The following CNIH3 variants were observed in gnomAD, a reference collection of about 807,000 sequenced individuals.
CNIH3 encodes the protein protein cornichon homolog 3.
A neutral mutation model predicts 24.1 loss-of-function variants in CNIH3; 14 were observed. That is an observed-to-expected ratio of 0.58 (90% CI 0.38 to 0.91). The LOEUF is 0.91. Among genes scored for constraint, CNIH3 ranks in the 40% least tolerant of loss-of-function variants. CNIH3 has a pLI of 0.00. For synonymous variants in CNIH3, 68 were observed against 73.8 expected (o/e 0.92, Z 0.40); for missense variants, 178 against 196.8 (o/e 0.90, Z 0.57).
At chr1:224,634,019 G>C (rs1242978948) in intron 1 of CNIH3, among the ~76,000 whole-genome samples, 1 of 152,222 alleles carries the variant, frequency 6.6e-6, no homozygotes, top group Non-Finnish European at 1.5e-5. Context: ...ATGAGGAGCA[G>C]CTGTGGTCTG....
intron 3 of CNIH3, chr1:224,719,093 G>C (rs1004319507): frequency 1.2e-4 from 18 of 152,180 alleles, no homozygotes; most frequent in African/African-American, 4.3e-4. Context: ...CCTCATAGTA[G>C]GCTCTTGATG....
At chr1:224,627,985 G>A (rs937664588) in intron 1 of CNIH3, among the ~76,000 whole-genome samples, 3 of 151,450 alleles carry the variant, frequency 2.0e-5, no homozygotes, top group South Asian at 4.2e-4. Flanking sequence ...AGCAAATGGA[G>A]GGCAGGGGCT....
At chr1:224,730,638 A>G (rs779613156) in intron 4 of CNIH3, 64 bp downstream of exon 4, 20 of 950,614 alleles carry the variant, frequency 2.1e-5, no homozygotes, top group Non-Finnish European at 3.1e-5. Context: ...CTCTCCAGTG[A>G]TGATGTCACC....
At chr1:224,452,219 G>A (rs988553481) in intron 1 of CNIH3, among the ~76,000 whole-genome samples, 1 of 149,968 alleles carries the variant, frequency 6.7e-6, no homozygotes, top group African/African-American at 2.5e-5. Flanking sequence ...GCGCGATCTC[G>A]GTTCACTGCA....
chr1:224,465,997 C>T (rs1025963103), intron 1 of CNIH3, among the ~76,000 whole-genome samples: 1 of 152,172 alleles, frequency 6.6e-6, no homozygotes, highest in African/African-American at 2.4e-5. Flanking sequence ...CATTGCACTC[C>T]AGCCTGGGTG....
chr1:224,566,657 TG>T (rs1314962125), intron 4 of CNIH3, among the ~76,000 whole-genome samples: 1 of 152,210 alleles, frequency 6.6e-6, no homozygotes, highest in Non-Finnish European at 1.5e-5. Context: ...CTGAGAATGA[TG>T]GTTTCCAGCT....
chr1:224,557,480 AT>A, intron 3 of CNIH3, among the ~76,000 whole-genome samples: 1 of 151,306 alleles, frequency 6.6e-6, no homozygotes, highest in Non-Finnish European at 1.5e-5. Flanking sequence ...AGTTCTTTTT[AT>A]TTTAGACAGA....
At position 224,649,545 on chromosome 1, in the gene CNIH3, A is replaced by G. The variant is rs192792258; in HGVS notation, c.82-31413A>G. Among the ~76,000 whole-genome samples the G allele has an allele frequency of 2.9e-3, 439 of 152,348 alleles. 1 individual carries two copies. The Middle Eastern group carries it at 0.031, about 11-fold the overall frequency. ...TTTCCAGCACAGAGCCTGTTACACA[A>G]TAGGTGCTCAGTTTAATTTATTGGA... On this transcript the variant is annotated intron_variant, in intron 1 of 5. Transcript: ENST00000272133.
intron 1 of CNIH3, among the ~76,000 whole-genome samples, chr1:224,487,561 T>C (rs1293977126): frequency 6.6e-6 from 1 of 152,248 alleles, no homozygotes; most frequent in Non-Finnish European, 1.5e-5. Context: ...AAATATGTCA[T>C]AGTTACAGCT....
chr1:224,677,256 G>A (rs927821215), intron 1 of CNIH3, among the ~76,000 whole-genome samples: 2 of 152,182 alleles, frequency 1.3e-5, no homozygotes, highest in Non-Finnish European at 2.9e-5. Context: ...ATACATGAGA[G>A]CTGTTATTAC....
intron 1 of CNIH3, among the ~76,000 whole-genome samples, chr1:224,506,995 C>T (rs1677947462): frequency 6.6e-6 from 1 of 152,090 alleles, no homozygotes; most frequent in South Asian, 2.1e-4. Flanking sequence ...TTCTGAGTAG[C>T]TGGGACCACA....
chr1:224,488,874 T>C (rs1239452457), intron 1 of CNIH3, among the ~76,000 whole-genome samples: 1 of 152,240 alleles, frequency 6.6e-6, no homozygotes, highest in Non-Finnish European at 1.5e-5. Context: ...TATTTTTTCA[T>C]TTATTAACAA....
chr1:224,504,167 G>C (rs1677801864), intron 1 of CNIH3, among the ~76,000 whole-genome samples: 1 of 152,204 alleles, frequency 6.6e-6, no homozygotes, highest in South Asian at 2.1e-4. Flanking sequence ...AAACCCTACT[G>C]TTGCCACATG....
At chr1:224,711,324 CTT>C (rs561477816) in intron 3 of CNIH3, among the ~76,000 whole-genome samples, 5 of 144,710 alleles carry the variant, frequency 3.5e-5, no homozygotes, top group Non-Finnish European at 3.0e-5. Context: ...CTCTCTCTCT[CTT>C]TTTTTTTTTT....
rs1675092194 is a variant in CNIH3, at chr1:224,444,980, T to C, written n.203+10118T>C. Among the ~76,000 whole-genome samples, 3 of 150,236 alleles carry C rather than the reference T, an allele frequency of 2.0e-5. No homozygotes were observed. The Admixed American group carries it at 2.0e-4, about 10-fold the overall frequency. On this transcript the variant is annotated intron_variant and non_coding_transcript_variant, in intron 1 of 5. Transcript: ENST00000471578. ...TTTTTAGTAAACATCTTTATTAAAGTATAATATGTAGAAAGGAGTATATAC... is the reference window on the plus strand; with the variant it reads ...TTTTTAGTAAACATCTTTATTAAAGCATAATATGTAGAAAGGAGTATATAC...
chr1:224,689,542 T>G (rs969978239), intron 3 of CNIH3, among the ~76,000 whole-genome samples: 1 of 152,178 alleles, frequency 6.6e-6, no homozygotes, highest in Non-Finnish European at 1.5e-5. Context: ...TTGAATGGGC[T>G]TCTGAGTTCC....
intron 1 of CNIH3, among the ~76,000 whole-genome samples, chr1:224,474,364 CAA>C (rs34695653): frequency 0.081 from 9,095 of 111,758 alleles, 406 homozygotes; most frequent in East Asian, 0.17. Context: ...AACTTCGCCT[CAA>C]AAAAAAAAAA....
At chr1:224,696,174 C>T (rs2125166459) in intron 3 of CNIH3, among the ~76,000 whole-genome samples, 1 of 152,292 alleles carries the variant, frequency 6.6e-6, no homozygotes, top group South Asian at 2.1e-4. Context: ...CTTTGGAGCT[C>T]TGTCATTTTC....
chr1:224,535,892 G>A (rs1031853938), intron 2 of CNIH3, among the ~76,000 whole-genome samples: 2 of 152,230 alleles, frequency 1.3e-5, no homozygotes, highest in African/African-American at 4.8e-5. Flanking sequence ...CTCCTGTAGA[G>A]GCATGGGACC....
Sources: gnomAD v4.1 joint callset for allele counts (sites outside exome capture counted in the v4.1 genomes callset) on GRCh38, gnomAD v4.1.1 for gene constraint, MANE v1.5 for transcripts, NCBI Gene and HGNC (gene_info 2026-07-23, HGNC 2026-07-21) for gene names.